The following RPH3A variants were observed in gnomAD, a reference collection of about 807,000 sequenced individuals.
RPH3A encodes rabphilin-3A.
In RPH3A, 48 loss-of-function variants were observed where a neutral mutation model predicts 102.2. The ratio of observed to expected loss-of-function variants is 0.47; its 90% CI spans 0.37 to 0.60. The LOEUF (loss-of-function observed/expected upper bound fraction) is 0.60. Among genes scored for constraint, RPH3A ranks in the 20% least tolerant of loss-of-function variants. The pLI is 0.00. For missense variants in RPH3A, 781 were observed against 910.1 expected (o/e 0.86, Z 1.83); for synonymous variants, 310 against 324.3 (o/e 0.96, Z 0.47).
At chr12:112,632,301 G>A (rs1367339441) in intron 1 of RPH3A, among the ~76,000 whole-genome samples, 4 of 152,096 alleles carry the variant, frequency 2.6e-5, no homozygotes, top group African/African-American at 9.7e-5. Flanking sequence ...TGTGAAAACG[G>A]ACTCATACAG....
intron 1 of RPH3A, among the ~76,000 whole-genome samples, chr12:112,630,405 G>T (rs1220071427): frequency 6.6e-6 from 1 of 152,216 alleles, no homozygotes; most frequent in African/African-American, 2.4e-5. Context: ...GCTAAGCACA[G>T]GTGTGGTCTT....
intron 1 of RPH3A, among the ~76,000 whole-genome samples, chr12:112,782,810 CCT>C (rs1011360130): frequency 3.9e-5 from 6 of 152,134 alleles, no homozygotes; most frequent in African/African-American, 1.4e-4. Flanking sequence ...TAAATGACCC[CCT>C]GTTGTCAGAC....
intron 16 of RPH3A, among the ~76,000 whole-genome samples, chr12:112,883,726 C>T (rs1299548212): frequency 6.6e-6 from 1 of 152,078 alleles, no homozygotes; most frequent in Non-Finnish European, 1.5e-5. Context: ...ATGTTTATTA[C>T]AATAGATCAT....
At chr12:112,852,056 G>A (rs1012041538) in intron 5 of RPH3A, among the ~76,000 whole-genome samples, 2 of 152,166 alleles carry the variant, frequency 1.3e-5, no homozygotes, top group Non-Finnish European at 2.9e-5. Context: ...CTGCTTCAGG[G>A]GACGTGGGCT....
chr12:112,687,481 G>A (rs1447799481), intron 1 of RPH3A, among the ~76,000 whole-genome samples: 1 of 152,182 alleles, frequency 6.6e-6, no homozygotes, highest in African/African-American at 2.4e-5. Flanking sequence ...GGTTATCCCT[G>A]CTGCAAAGGA....
chr12:112,698,826 A>C (rs60388361), intron 1 of RPH3A, among the ~76,000 whole-genome samples: 38,278 of 149,778 alleles, frequency 0.26, 5,181 homozygotes, highest in South Asian at 0.37. Context: ...TCCTTCTCCT[A>C]CTTCTCCTTC....
chr12:112,628,187 G>A (rs1054028725), intron 1 of RPH3A, among the ~76,000 whole-genome samples: 1 of 151,992 alleles, frequency 6.6e-6, no homozygotes, highest in African/African-American at 2.4e-5. Context: ...ACAAGGTGAC[G>A]TTTGAGCAGA....
At chr12:112,611,368 G>T (rs1471006928) in intron 1 of RPH3A, among the ~76,000 whole-genome samples, 1 of 152,174 alleles carries the variant, frequency 6.6e-6, no homozygotes, top group Non-Finnish European at 1.5e-5. Context: ...TACTTCCCTA[G>T]GAAAGGTGCA....
At chr12:112,650,731 CA>C (rs1472775464) in intron 1 of RPH3A, 2 of 150,226 alleles carry the variant, frequency 1.3e-5, no homozygotes, top group Admixed American at 6.6e-5. Flanking sequence ...CTTGTTTACA[CA>C]TTTTTTTTTT....
intron 1 of RPH3A, among the ~76,000 whole-genome samples, chr12:112,581,460 C>T (rs1208993017): frequency 5.9e-5 from 9 of 152,188 alleles, no homozygotes; most frequent in African/African-American, 1.7e-4. Flanking sequence ...GGTGGGGACA[C>T]AGCCAAACCA....
At chr12:112,612,965 T>G (rs991426713) in intron 1 of RPH3A, among the ~76,000 whole-genome samples, 3 of 152,136 alleles carry the variant, frequency 2.0e-5, no homozygotes, top group Non-Finnish European at 2.9e-5. Flanking sequence ...AAGGGCTGGC[T>G]TGTGGCCAGT....
chr12:112,672,368 A>G (rs1317933135), intron 1 of RPH3A, among the ~76,000 whole-genome samples: 1 of 152,204 alleles, frequency 6.6e-6, no homozygotes, highest in Non-Finnish European at 1.5e-5. Context: ...CACATCTAAA[A>G]CAAATGGTTC....
intron 19 of RPH3A, chr12:112,894,018 A>G (rs1031326866): frequency 3.9e-5 from 6 of 154,924 alleles, no homozygotes; most frequent in African/African-American, 1.4e-4. Context: ...ACACGGTCTT[A>G]AGGCCACATG....
At chr12:112,688,971 G>T (rs1566259905) in intron 1 of RPH3A, among the ~76,000 whole-genome samples, 3 of 152,158 alleles carry the variant, frequency 2.0e-5, no homozygotes. Context: ...TACTAAGAAA[G>T]ACTAAAATTT....
chr12:112,605,670 G>A (rs2039591175), intron 1 of RPH3A, among the ~76,000 whole-genome samples: 1 of 152,116 alleles, frequency 6.6e-6, no homozygotes, highest in African/African-American at 2.4e-5. Flanking sequence ...TTCTATATCT[G>A]CCCAGCTTTC....
In RPH3A at chr12:112,823,031, G is replaced by A. The variant is rs145220582; in HGVS notation, c.-18-5270G>A. Among the ~76,000 whole-genome samples, 40 of 152,308 alleles carry A rather than the reference G, an allele frequency of 2.6e-4. No homozygotes were observed. The East Asian group carries it at 6.6e-3, about 25-fold the overall frequency. On this transcript the variant is annotated intron_variant, in intron 2 of 21. Transcript: ENST00000389385. ...TATGCTTTTGAAGTTGCAGCTGCAGGGCTGGATTTAAGCCACTGCCTTGGC... is the reference window on the plus strand; with the variant it reads ...TATGCTTTTGAAGTTGCAGCTGCAGAGCTGGATTTAAGCCACTGCCTTGGC...
rs2040246946 is a variant in RPH3A, at chr12:112,684,240, AT to A, written c.-139-107898del. Among the ~76,000 whole-genome samples the A allele has an allele frequency of 3.9e-5, 6 of 152,134 alleles. No individual in the cohort carries two copies. The South Asian group carries it at 1.2e-3, about 32-fold the overall frequency. The stretch of plus-strand genomic sequence containing the variant: ...CTGCCAAAAACATATGAGAATATCT[AT>A]TTTTATTGTTTTTTTGTTTTGCTTT... On this transcript the variant is annotated intron_variant, in intron 1 of 21. Coordinates refer to the RPH3A transcript ENST00000543106.
At chr12:112,761,236 C>T (rs1021258720) in intron 1 of RPH3A, among the ~76,000 whole-genome samples, 1 of 152,158 alleles carries the variant, frequency 6.6e-6, no homozygotes, top group Non-Finnish European at 1.5e-5. Context: ...AGGCTTATCA[C>T]AAGAGGTAAG....
chr12:112,833,738 T>G (rs1487146062), intron 3 of RPH3A, among the ~76,000 whole-genome samples: 1 of 152,074 alleles, frequency 6.6e-6, no homozygotes, highest in Non-Finnish European at 1.5e-5. Context: ...ATGTTTTTTT[T>G]TTTTTTTTAA....
Sources: gnomAD v4.1 joint callset for allele counts (sites outside exome capture counted in the v4.1 genomes callset) on GRCh38, gnomAD v4.1.1 for gene constraint, MANE v1.5 for transcripts, NCBI Gene and HGNC (gene_info 2026-07-23, HGNC 2026-07-21) for gene names.